The following HMMR variants were observed in gnomAD, a reference collection of about 807,000 sequenced individuals.
The protein encoded by HMMR is hyaluronan mediated motility receptor, also known as intracellular hyaluronic acid-binding protein.
Under a neutral mutation model 101.0 loss-of-function variants are expected in HMMR, and 108 were observed. That is an observed-to-expected ratio of 1.07 (90% CI 0.92 to 1.25). The LOEUF (loss-of-function observed/expected upper bound fraction) is 1.25, where lower values mean the gene tolerates loss of function less well. Ranked by LOEUF, HMMR falls within the 50% of genes most tolerant of loss-of-function variation. The probability of loss-of-function intolerance (pLI) is 0.00; values close to 1 mark genes in which losing one functional copy is unlikely to be tolerated. For synonymous variants in HMMR, 296 were observed against 276.4 expected (o/e 1.07, Z -0.70); for missense variants, 813 against 788.7 (o/e 1.03, Z -0.37).
intron 12 of HMMR, among the ~76,000 whole-genome samples, chr5:163,480,666 T>C (rs1291087353): frequency 6.6e-6 from 1 of 152,206 alleles, no homozygotes; most frequent in Non-Finnish European, 1.5e-5. Context: ...CCATTTATCT[T>C]CTTTGCCAAA....
intron 15 of HMMR, 145 bp from the exon 16 acceptor site, chr5:163,483,924 G>A (rs1326436361): frequency 1.9e-6 from 1 of 513,202 alleles, no homozygotes; most frequent in Non-Finnish European, 3.5e-6. Context: ...GATTCTCATA[G>A]AGAATCTATG....
intron 3 of HMMR, among the ~76,000 whole-genome samples, chr5:163,466,238 C>T (rs1373729965): frequency 6.6e-6 from 1 of 152,146 alleles, no homozygotes; most frequent in Non-Finnish European, 1.5e-5. Flanking sequence ...CACTGCACTC[C>T]AGCCTGGGCA....
chr5:163,478,932 G>GT (rs2113493750), intron 12 of HMMR, 132 bp downstream of exon 12: 1 of 571,520 alleles, frequency 1.7e-6, no homozygotes, highest in African/African-American at 1.9e-5. Context: ...ATCACCAACC[G>GT]TAAGTGGGCA....
At position 163,491,045 on chromosome 5, in the gene HMMR, G is replaced by A. The variant is rs193225850; in HGVS notation, c.2126-67G>A. 30 of 881,330 alleles carry A rather than the reference G, an allele frequency of 3.4e-5. No homozygotes were observed. In the East Asian group the frequency reaches 8.3e-4, roughly 24 times the overall value. The allele number at this position is 881,330 out of a possible 1,614,324, so 54.6% of individuals were successfully genotyped here. A position where few individuals can be genotyped will look rare whatever the true frequency, so the allele number is the denominator to read the frequency against. On this transcript the variant is annotated intron_variant, in intron 17 of 17. Transcript: ENST00000393915. Reference sequence around the variant, plus strand: ...AAAGAAGATACAAGGCCTGTTTTTAGTTTATAATGATGGATAAATTCGTTT... The same window carrying A: ...AAAGAAGATACAAGGCCTGTTTTTAATTTATAATGATGGATAAATTCGTTT...
In HMMR at chr5:163,473,214, C is replaced by T. The variant is rs1758952008; in HGVS notation, c.686C>T (p.Ser229Phe). 2.5e-6 allele frequency: 4 copies of T among 1,572,480 alleles called. No individual in the cohort carries two copies. Among genetic ancestry groups the T allele is most frequent in the Non-Finnish European group, 3.5e-6 (4 of 1,144,644 alleles). The change falls in exon 8 of 18, where the codon TCT becomes TTT. Residue 229 changes from serine to phenylalanine, a missense_variant. Coordinates refer to ENST00000393915, the MANE Select transcript of HMMR (RefSeq NM_001142556.2). Reference sequence around the variant, plus strand: ...GAGAAAGAAAAGATTGATGAAAAATCTGAAACAGAAAAACTCTTGGAATAC... The same window carrying T: ...GAGAAAGAAAAGATTGATGAAAAATTTGAAACAGAAAAACTCTTGGAATAC... The part of the protein sequence containing the change: ...SIEKEKIDEK[S>F]ETEKLLEYIE...
At chr5:163,467,948 C>T (rs1237550763) in intron 4 of HMMR, among the ~76,000 whole-genome samples, 200 bp downstream of exon 4, 1 of 152,116 alleles carries the variant, frequency 6.6e-6, no homozygotes, top group African/African-American at 2.4e-5. Flanking sequence ...ATGCTGGCAA[C>T]GCCGAGATTA....
chr5:163,477,453 T>C (rs1036688011), intron 11 of HMMR, among the ~76,000 whole-genome samples: 4 of 152,290 alleles, frequency 2.6e-5, no homozygotes, highest in Admixed American at 2.0e-4. Context: ...TTCTTATGAT[T>C]AGTGATGCAA....
chr5:163,473,621 A>G, intron 9 of HMMR, 64 bp downstream of exon 9: 1 of 984,022 alleles, frequency 1.0e-6, no homozygotes, highest in South Asian at 1.9e-5. Flanking sequence ...TAGGAAAAAT[A>G]CTACTATGCT....
At chr5:163,473,627 A>G in intron 9 of HMMR, 70 bp downstream of exon 9, 1 of 894,324 alleles carries the variant, frequency 1.1e-6, no homozygotes, top group Non-Finnish European at 1.7e-6. Context: ...AAATACTACT[A>G]TGCTAAAACA....
chr5:163,490,339 C>A, intron 16 of HMMR, 51 bp from the exon 17 acceptor site: 1 of 1,246,338 alleles, frequency 8.0e-7, no homozygotes, highest in Non-Finnish European at 1.1e-6. Flanking sequence ...ACACATTTCA[C>A]TGACATACTC....
intron 11 of HMMR, among the ~76,000 whole-genome samples, chr5:163,477,942 T>C (rs1218874602): frequency 1.3e-5 from 2 of 152,196 alleles, no homozygotes; most frequent in Non-Finnish European, 2.9e-5. Flanking sequence ...CGGCACTTGT[T>C]ACAGAATGAA....
At chr5:163,479,582 G>A (rs971221056) in intron 12 of HMMR, among the ~76,000 whole-genome samples, 6 of 152,200 alleles carry the variant, frequency 3.9e-5, no homozygotes, top group Admixed American at 1.3e-4. Flanking sequence ...AGGATCACCT[G>A]AGCCCAGGAG....
At chr5:163,475,216 G>A (rs1230602184) in intron 10 of HMMR, among the ~76,000 whole-genome samples, 2 of 151,784 alleles carry the variant, frequency 1.3e-5, no homozygotes, top group Admixed American at 6.6e-5. Flanking sequence ...TATAATTTTA[G>A]ATTAAGAAGT....
At chr5:163,476,324 A>G (rs1759068344) in intron 11 of HMMR, among the ~76,000 whole-genome samples, 1 of 152,184 alleles carries the variant, frequency 6.6e-6, no homozygotes, top group African/African-American at 2.4e-5. Flanking sequence ...CTCAAAAACA[A>G]ACAAAACACA....
intron 13 of HMMR, 30 bp downstream of exon 13, chr5:163,482,818 C>T: frequency 6.3e-7 from 1 of 1,591,454 alleles, no homozygotes. Context: ...GCCTTAGAAC[C>T]ATTAAGACAA....
chr5:163,482,612 C>G (rs1299594021), intron 12 of HMMR, 30 bp from the exon 13 acceptor site: 1 of 1,529,994 alleles, frequency 6.5e-7, no homozygotes, highest in African/African-American at 1.4e-5. Context: ...AGTTAGAAAA[C>G]TACTTTGACT....
Position 163,460,758 on chromosome 5 carries a change from C to A in HMMR, c.46+20C>A. On this transcript the variant is annotated intron_variant, in intron 1 of 17. Transcript: ENST00000393915. ...CTTCTGGTGCGTAAGGGGGAAAGAG[C>A]TGGGGGACGGGAGACGCCCTAACGC... 6.2e-7 allele frequency: 1 copy of A among 1,602,670 alleles called. No homozygotes were observed. Among genetic ancestry groups the A allele is most frequent in the Non-Finnish European group, 8.5e-7 (1 of 1,174,010 alleles).
At chr5:163,471,565 A>G (rs1381151930) in intron 7 of HMMR, 102 bp downstream of exon 7, 12 of 709,882 alleles carry the variant, frequency 1.7e-5, no homozygotes, top group Non-Finnish European at 2.8e-5. Context: ...TTCTGTTAGT[A>G]CTTATCTCAT....
chr5:163,482,354 A>G (rs1759298551), intron 12 of HMMR, among the ~76,000 whole-genome samples: 1 of 152,110 alleles, frequency 6.6e-6, no homozygotes, highest in Admixed American at 6.5e-5. Flanking sequence ...TATTTTTTAA[A>G]TTGTGAGTAA....
Sources: gnomAD v4.1 joint callset for allele counts (sites outside exome capture counted in the v4.1 genomes callset) on GRCh38, gnomAD v4.1.1 for gene constraint, MANE v1.5 for transcripts, NCBI Gene and HGNC (gene_info 2026-07-23, HGNC 2026-07-21) for gene names.